EDA: variants seen among roughly 807,000 people sequenced by gnomAD.
EDA encodes ectodysplasin A, also known as ectodysplasin-A.
EDA carries 2 observed loss-of-function variants against 23.6 expected under a neutral mutation model. The ratio of observed to expected loss-of-function variants is 0.08; its 90% confidence interval spans 0.03 to 0.27. EDA has a LOEUF of 0.27. Ranked by LOEUF, EDA falls within the 10% of genes least tolerant of loss-of-function variation. The pLI, the probability that EDA is intolerant of heterozygous loss-of-function variation, is 1.00. For missense variants in EDA, 229 were observed against 324.2 expected, an observed-to-expected ratio of 0.71 and a Z score of 2.26; for synonymous variants, 131 against 132.0, an observed-to-expected ratio of 0.99 and a Z score of 0.05.
chrX:70,011,522 G>A (rs1010060754), intron 2 of EDA, among the ~76,000 whole-genome samples: 1 of 109,801 alleles, frequency 9.1e-6, no homozygotes, highest in African/African-American at 3.3e-5. Flanking sequence ...GTAGAGACAG[G>A]GTTTCACCAT....
In EDA at chrX:70,009,768, G is replaced by A. The variant is rs760182016; in HGVS notation, c.503-13450G>A. ...TGCCCAGCTAATTTTTGTATTTTTA[G>A]TAGAGACAGGGTTTCACCAGGTTGG... On this transcript the variant is annotated intron_variant, in intron 2 of 7. Transcript: ENST00000374552. Among the ~76,000 whole-genome samples, 3 of 110,979 alleles carry A rather than the reference G, an allele frequency of 2.7e-5. No homozygotes were observed. The South Asian group carries it at 1.2e-3, about 43-fold the overall frequency.
intron 2 of EDA, among the ~76,000 whole-genome samples, chrX:70,013,496 G>T (rs193054874): frequency 8.7e-4 from 94 of 108,585 alleles, no homozygotes; most frequent in African/African-American, 3.1e-3. Flanking sequence ...CACTGCAGTG[G>T]TTCTGCTCTT....
At chrX:69,699,294 C>T (rs2011467442) in intron 1 of EDA, among the ~76,000 whole-genome samples, 1 of 111,072 alleles carries the variant, frequency 9.0e-6, no homozygotes, top group South Asian at 3.9e-4. Flanking sequence ...TACCATGGTC[C>T]TTGTTTTTGA....
intron 1 of EDA, among the ~76,000 whole-genome samples, chrX:69,755,199 A>G (rs1270657676): frequency 9.0e-6 from 1 of 110,906 alleles, no homozygotes; most frequent in Non-Finnish European, 1.9e-5. Flanking sequence ...GGTTTTATCT[A>G]CCTTTGGTCT....
chrX:69,655,762 C>CTATCTATATATATA (rs1933292184), intron 1 of EDA, among the ~76,000 whole-genome samples: 2 of 52,503 alleles, frequency 3.8e-5, no homozygotes, highest in Non-Finnish European at 3.0e-5. Context: ...TCATTAGAAT[C>CTATCTATATATATA]TATATATATA....
intron 1 of EDA, among the ~76,000 whole-genome samples, chrX:69,760,506 C>T (rs1021344243): frequency 8.9e-6 from 1 of 111,955 alleles, no homozygotes; most frequent in African/African-American, 3.2e-5. Flanking sequence ...TGCCCCCTCT[C>T]TTGTTATCCA....
At chrX:69,719,367 CT>C (rs1431001116) in intron 1 of EDA, among the ~76,000 whole-genome samples, 1 of 111,018 alleles carries the variant, frequency 9.0e-6, no homozygotes, top group Non-Finnish European at 1.9e-5. Context: ...ATTTCAATAG[CT>C]TTAAGGGTAC....
At chrX:69,794,245 A>T (rs1012309544) in intron 1 of EDA, among the ~76,000 whole-genome samples, 7 of 111,622 alleles carry the variant, frequency 6.3e-5, no homozygotes, top group Non-Finnish European at 1.3e-4. Context: ...TTGCTTTGAG[A>T]TATAGGCAGA....
chrX:70,030,350 G>A (rs2020180826), intron 5 of EDA, 119 bp from the exon 6 acceptor site: 5 of 622,606 alleles, frequency 8.0e-6, no homozygotes, highest in Non-Finnish European at 1.3e-5. Flanking sequence ...AGACAGGGGA[G>A]AGGGATCAGA....
intron 1 of EDA, among the ~76,000 whole-genome samples, chrX:69,951,720 A>G (rs183767903): frequency 2.7e-5 from 3 of 112,242 alleles, no homozygotes; most frequent in African/African-American, 9.7e-5. Context: ...AAGTGTCTGG[A>G]GAGTCACTAG....
intron 1 of EDA, among the ~76,000 whole-genome samples, chrX:69,912,769 C>CTTT (rs750059116): frequency 0.021 from 1,690 of 79,152 alleles, 39 homozygotes; most frequent in Non-Finnish European, 0.031. Flanking sequence ...TTTTTCTTTT[C>CTTT]TTTTTTTTTT....
intron 1 of EDA, among the ~76,000 whole-genome samples, chrX:69,710,233 G>T (rs1343025371): frequency 9.1e-6 from 1 of 110,034 alleles, no homozygotes; most frequent in African/African-American, 3.3e-5. Context: ...AGTTTTCCCA[G>T]CACCATTTAT....
At chrX:69,830,360 G>A (rs923443970) in intron 1 of EDA, among the ~76,000 whole-genome samples, 3 of 111,610 alleles carry the variant, frequency 2.7e-5, no homozygotes, top group Admixed American at 9.6e-5. Flanking sequence ...ACACAAAACA[G>A]TGCTCAGCAA....
rs748656038 is a variant in EDA at position 69,859,606 on chromosome X, G to T, written c.397-97421G>T. Among the ~76,000 whole-genome samples, 15 of 109,691 alleles carry T rather than the reference G, an allele frequency of 1.4e-4. No individual in the cohort carries two copies. In the South Asian group the frequency reaches 5.8e-3, roughly 42 times the overall value. On this transcript the variant is annotated intron_variant, in intron 1 of 7. Coordinates refer to ENST00000374552, the MANE Select transcript of EDA (RefSeq NM_001399.5). ...AGGATATTCTTTTGTTATGATTTCG[G>T]TTCTTTGGCATTTGCTGAGGAGTGC...
intron 1 of EDA, among the ~76,000 whole-genome samples, chrX:69,704,637 G>C (rs1487478301): frequency 9.1e-6 from 1 of 110,287 alleles, no homozygotes; most frequent in East Asian, 2.9e-4. Context: ...GCATCTACTG[G>C]GTGTCTTGGA....
At chrX:69,767,407 C>CT (rs943976011) in intron 1 of EDA, among the ~76,000 whole-genome samples, 10 of 108,308 alleles carry the variant, frequency 9.2e-5, no homozygotes, top group African/African-American at 2.0e-4. Flanking sequence ...TGTTGATTTG[C>CT]TTTTTTTTTC....
intron 1 of EDA, among the ~76,000 whole-genome samples, chrX:69,720,422 AC>A (rs2012537301): frequency 1.8e-5 from 2 of 112,027 alleles, no homozygotes; most frequent in Admixed American, 9.5e-5. Context: ...AATTTTGGAA[AC>A]TTTCAACCAT....
chrX:69,860,969 C>T (rs191644112), intron 1 of EDA: 197 of 513,692 alleles, frequency 3.8e-4, no homozygotes, highest in African/African-American at 3.6e-3. Flanking sequence ...TTTCACCTGG[C>T]GTCATCTAGT....
intron 1 of EDA, among the ~76,000 whole-genome samples, chrX:69,793,778 C>G (rs2015477579): frequency 9.1e-6 from 1 of 109,893 alleles, no homozygotes; most frequent in African/African-American, 3.3e-5. Flanking sequence ...GACTGCTTAC[C>G]CATACTCTAG....
Sources: gnomAD v4.1 joint callset for allele counts (sites outside exome capture counted in the v4.1 genomes callset) on GRCh38, gnomAD v4.1.1 for gene constraint, MANE v1.5 for transcripts, NCBI Gene and HGNC (gene_info 2026-07-23, HGNC 2026-07-21) for gene names.